CD33: variants seen among roughly 807,000 people sequenced by gnomAD.
The protein encoded by CD33 is myeloid cell surface antigen CD33.
Under a neutral mutation model 31.4 loss-of-function variants are expected in CD33, and 25 were observed. That is an observed-to-expected ratio of 0.80 (90% CI 0.58 to 1.11). CD33 has a LOEUF of 1.11. Among genes scored for constraint, CD33 ranks in the 50% most tolerant of loss-of-function variants. The probability of loss-of-function intolerance (pLI) is 0.00; values close to 1 mark genes in which losing one functional copy is unlikely to be tolerated. For synonymous variants in CD33, 176 were observed against 180.6 expected, an observed-to-expected ratio of 0.97 and a Z score of 0.20; for missense variants, 407 against 448.1, an observed-to-expected ratio of 0.91 and a Z score of 0.83.
chr19:51,232,932 C>T (rs1981522627), intron 4 of CD33, among the ~76,000 whole-genome samples: 3 of 152,080 alleles, frequency 2.0e-5, no homozygotes, highest in Admixed American at 1.3e-4. Flanking sequence ...TGTGTTTTTG[C>T]CAGGAGTAGC....
the CD33 span, among the ~76,000 whole-genome samples, chr19:51,214,170 T>TATTTAAAAGATG: frequency 7.1e-6 from 1 of 141,240 alleles, no homozygotes; most frequent in Non-Finnish European, 1.5e-5. Context: ...TCATTTTTCT[T>TATTTAAAAGATG]TTCCTTTTTT....
chr19:51,225,752 C>T (rs1213336874), intron 2 of CD33, 51 bp from the exon 3 acceptor site: 3 of 1,579,504 alleles, frequency 1.9e-6, no homozygotes, highest in Non-Finnish European at 2.6e-6. Context: ...CTCTCAGGCC[C>T]TCACCTGGAC....
intron 4 of CD33, among the ~76,000 whole-genome samples, chr19:51,234,712 C>G (rs140251716): frequency 1.2e-3 from 186 of 152,262 alleles, no homozygotes; most frequent in African/African-American, 4.1e-3. Flanking sequence ...ACCTCCCTGC[C>G]CCACCCTGCT....
rs769490671 is a variant in CD33, at chr19:51,225,325, TACTACG to T, written c.148_153del (p.Tyr50_Asp51del). On this transcript the variant is annotated inframe_deletion, in exon 2 of 7. Coordinates refer to ENST00000262262, the MANE Select transcript of CD33 (RefSeq NM_001772.4). ...CTGCACTTTCTTCCATCCCATACCCTACTACGACAAGAACTCCCCAGTTCATGGTTA... is the reference window on the plus strand; with the variant it reads ...CTGCACTTTCTTCCATCCCATACCCTACAAGAACTCCCCAGTTCATGGTTA... 17 of 1,614,056 alleles carry T rather than the reference TACTACG, an allele frequency of 1.1e-5. No homozygotes were observed. The highest frequency in any genetic ancestry group is 1.6e-4 in the Middle Eastern group (1 of 6,084).
chr19:51,221,073 C>CA (rs1980666231), upstream of CD33, among the ~76,000 whole-genome samples: 3 of 152,118 alleles, frequency 2.0e-5, no homozygotes, highest in South Asian at 6.2e-4. Flanking sequence ...TCAACAATAA[C>CA]AAAAAATAAA....
intron 6 of CD33, chr19:51,238,397 G>C (rs546104190): frequency 6.6e-6 from 1 of 152,150 alleles, no homozygotes; most frequent in African/African-American, 2.4e-5. Context: ...TCCAATAATC[G>C]ATGAATCTAC....
At chr19:51,218,708 G>T in the CD33 span, among the ~76,000 whole-genome samples, 2 of 152,286 alleles carry the variant, frequency 1.3e-5, no homozygotes, top group African/African-American at 4.8e-5. Flanking sequence ...TGTGTATGGT[G>T]AGAGATAGGG....
At chr19:51,214,157 G>A in the CD33 span, among the ~76,000 whole-genome samples, 13 of 149,172 alleles carry the variant, frequency 8.7e-5, no homozygotes, top group South Asian at 2.1e-4. Context: ...ACCATGCCTG[G>A]CCTCATTTTT....
At chr19:51,230,141 C>T (rs914959769) in intron 4 of CD33, among the ~76,000 whole-genome samples, 2 of 148,282 alleles carry the variant, frequency 1.3e-5, no homozygotes, top group Non-Finnish European at 3.0e-5. Context: ...CATTTAGAAT[C>T]ATTTTGTTTC....
chr19:51,211,916 A>G, the CD33 span: 1 of 1,435,094 alleles, frequency 7.0e-7, no homozygotes, highest in Admixed American at 1.7e-5. Flanking sequence ...CCTGGATGTC[A>G]GCTGCCCCCA....
rs932799799 is a variant in CD33, at chr19:51,235,439, A to G, written c.843-156A>G. 3.7e-6 allele frequency: 5 copies of G among 1,368,664 alleles called. No homozygotes were observed. The African/African-American group carries it at 5.9e-5, about 16-fold the overall frequency. 84.8% of individuals were successfully genotyped at this position (1,368,664 alleles called of 1,614,324 possible). A position where few individuals can be genotyped will look rare whatever the true frequency, so the allele number is the denominator to read the frequency against. On this transcript the variant is annotated intron_variant, in intron 5 of 6. Transcript: ENST00000262262. ...GGGCCCTGATCTCAGATGTCCAAGG[A>G]GTGGGAGGTAGAGGGAGACCTTGTG...
Position 51,225,615 on chromosome 19 carries a change from A to C in CD33, c.418+17A>C. The C allele has an allele frequency of 6.5e-7, 1 of 1,541,150 alleles. No individual in the cohort carries two copies. The highest frequency in any genetic ancestry group is 1.3e-5 in the South Asian group (1 of 78,892). Reference sequence around the variant, plus strand: ...ATGTGACAGGTGAGGCACAGGCTTCAGAAGTGGCCGCAAGGGAAGTTCATG... The same window carrying C: ...ATGTGACAGGTGAGGCACAGGCTTCCGAAGTGGCCGCAAGGGAAGTTCATG... On this transcript the variant is annotated intron_variant, in intron 2 of 6. Transcript: ENST00000262262.
Position 51,225,581 on chromosome 19 carries a change from T to C in CD33, c.401T>C (p.Leu134Pro). Reference sequence around the variant, plus strand: ...AAATACAGTTACAAATCTCCCCAGCTCTCTGTGCATGTGACAGGTGAGGCA... The same window carrying C: ...AAATACAGTTACAAATCTCCCCAGCCCTCTGTGCATGTGACAGGTGAGGCA... ...STKYSYKSPQ[L>P]SVHVTDLTHR... Residue 134 changes from leucine to proline, a missense_variant, in exon 2 of 7, where the codon CTC becomes CCC. By Grantham distance (98) the Leu-to-Pro change is moderately conservative. Coordinates refer to ENST00000262262, the MANE Select transcript of CD33 (RefSeq NM_001772.4). The C allele has an allele frequency of 6.4e-7, 1 of 1,561,884 alleles. No individual in the cohort carries two copies. Among genetic ancestry groups the C allele is most frequent in the South Asian group, 1.2e-5 (1 of 81,778 alleles).
At chr19:51,236,156 C>G (rs1981791744) in intron 6 of CD33, 2 of 353,444 alleles carry the variant, frequency 5.7e-6, no homozygotes, top group Non-Finnish European at 1.1e-5. Context: ...AGACTCTGTC[C>G]CAAAAAGAAA....
At chr19:51,217,193 C>T in the CD33 span, among the ~76,000 whole-genome samples, 1 of 152,092 alleles carries the variant, frequency 6.6e-6, no homozygotes, top group East Asian at 1.9e-4. Flanking sequence ...CTGCTGGATC[C>T]TCCAGGAAGA....
chr19:51,237,475 C>A (rs1981878482), intron 6 of CD33: 1 of 152,346 alleles, frequency 6.6e-6, no homozygotes, highest in Non-Finnish European at 1.5e-5. Context: ...TTGGACAGTC[C>A]TGGGGGCCAA....
chr19:51,226,143 G>C (rs372423046), intron 3 of CD33, 62 bp downstream of exon 3: 2 of 1,583,410 alleles, frequency 1.3e-6, no homozygotes, highest in African/African-American at 2.7e-5. Context: ...ATGGGCTGGT[G>C]CTGGGGACAT....
chr19:51,216,714 G>T, the CD33 span, among the ~76,000 whole-genome samples: 1 of 151,976 alleles, frequency 6.6e-6, no homozygotes, highest in East Asian at 1.9e-4. Context: ...CATAAAAAAA[G>T]GAATAAGCAA....
the CD33 span, among the ~76,000 whole-genome samples, chr19:51,215,935 T>C: frequency 6.6e-6 from 1 of 152,314 alleles, no homozygotes; most frequent in East Asian, 1.9e-4. Context: ...AGCTGCCTCC[T>C]CGTCCAGTGC....
Sources: allele counts gnomAD v4.1 joint callset (sites outside exome capture counted in the v4.1 genomes callset), GRCh38; gene constraint gnomAD v4.1.1; transcripts MANE v1.5; gene names NCBI Gene and HGNC (gene_info 2026-07-23, HGNC 2026-07-21).